CTBP2: variants seen among roughly 807,000 people sequenced by gnomAD.
CTBP2 encodes the protein C-terminal-binding protein 2.
In CTBP2, 30 loss-of-function variants were observed where a neutral mutation model predicts 80.3. That is an observed-to-expected ratio of 0.37 (90% confidence interval 0.28 to 0.51). The LOEUF (loss-of-function observed/expected upper bound fraction) is 0.51. Among genes scored for constraint, CTBP2 ranks in the 20% least tolerant of loss-of-function variants. CTBP2 has a pLI of 0.93. For synonymous variants in CTBP2, 594 were observed against 587.4 expected, an observed-to-expected ratio of 1.01 and a Z score of -0.16; for missense variants, 1,212 against 1,375.3, an observed-to-expected ratio of 0.88 and a Z score of 1.88.
At chr10:125,058,514 G>A (rs530171709) in intron 2 of CTBP2, among the ~76,000 whole-genome samples, 18 of 152,258 alleles carry the variant, frequency 1.2e-4, no homozygotes, top group Middle Eastern at 6.8e-3. Flanking sequence ...AGCCACGGCC[G>A]GGCGCGGTGG....
intron 1 of CTBP2, among the ~76,000 whole-genome samples, chr10:125,115,945 C>T (rs1014999024): frequency 6.6e-6 from 1 of 152,148 alleles, no homozygotes; most frequent in South Asian, 2.1e-4. Flanking sequence ...CACCCCTGCC[C>T]ACCACAAACA....
At chr10:125,078,844 T>C (rs1369763304) in intron 2 of CTBP2, among the ~76,000 whole-genome samples, 2 of 151,934 alleles carry the variant, frequency 1.3e-5, no homozygotes, top group Admixed American at 6.6e-5. Flanking sequence ...ATCAAAAAAT[T>C]TGGAATAACC....
At chr10:125,143,128 C>A (rs534454211) in intron 1 of CTBP2, among the ~76,000 whole-genome samples, 1 of 152,176 alleles carries the variant, frequency 6.6e-6, no homozygotes, top group African/African-American at 2.4e-5. Flanking sequence ...CGGCAGCCCC[C>A]CCACGACATC....
At chr10:125,001,728 C>A (rs1305105998) in intron 3 of CTBP2, among the ~76,000 whole-genome samples, 1 of 152,198 alleles carries the variant, frequency 6.6e-6, no homozygotes, top group Non-Finnish European at 1.5e-5. Flanking sequence ...GTACGGGCAG[C>A]TCCCTGCTCG....
At chr10:125,024,853 G>T (rs761335740) in intron 1 of CTBP2, among the ~76,000 whole-genome samples, 30 of 152,196 alleles carry the variant, frequency 2.0e-4, no homozygotes, top group Non-Finnish European at 3.7e-4. Context: ...ATAATGATGT[G>T]ATCAGACTTC....
upstream of CTBP2, among the ~76,000 whole-genome samples, chr10:125,032,067 A>G (rs1315535426): frequency 6.6e-6 from 1 of 152,060 alleles, no homozygotes; most frequent in Non-Finnish European, 1.5e-5. Flanking sequence ...AAAAAAAAAC[A>G]AGCCCATTCT....
chr10:125,014,167 C>G (rs933028440), intron 1 of CTBP2, among the ~76,000 whole-genome samples: 2 of 152,186 alleles, frequency 1.3e-5, no homozygotes, highest in Admixed American at 6.5e-5. Flanking sequence ...GTGTGCTGGC[C>G]CCACTCCCCA....
At chr10:125,085,282 T>TC (rs1318798509) in intron 2 of CTBP2, among the ~76,000 whole-genome samples, 1 of 152,088 alleles carries the variant, frequency 6.6e-6, no homozygotes, top group African/African-American at 2.4e-5. Flanking sequence ...GAGAGAAAAC[T>TC]CCCTCCTTTA....
chr10:125,017,465 A>C (rs1166791449), intron 1 of CTBP2, among the ~76,000 whole-genome samples: 1 of 152,182 alleles, frequency 6.6e-6, no homozygotes. Flanking sequence ...CCTTGTGTAC[A>C]GGATTGCACG....
rs1230799681 is a variant in CTBP2 at position 124,987,579 on chromosome 10, C to T, written c.*1939G>A. 2 of 152,122 alleles carry T rather than the reference C, an allele frequency of 1.3e-5. No homozygotes were observed. Among genetic ancestry groups the T allele is most frequent in the African/African-American group, 2.4e-5 (1 of 41,434 alleles). 9.4% of individuals were successfully genotyped at this position (152,122 alleles called of 1,614,324 possible). ...CCTCTTTGATGAGTGGTTACGAAGA[C>T]GTTAAACTACCTTTTTGTTCCCTGG... On this transcript the variant is annotated 3_prime_UTR_variant, in exon 9 of 9. Coordinates refer to ENST00000309035, the MANE Select transcript of CTBP2 (RefSeq NM_022802.3).
chr10:125,089,655 G>A (rs961326507), intron 2 of CTBP2, among the ~76,000 whole-genome samples: 2 of 152,196 alleles, frequency 1.3e-5, no homozygotes, highest in African/African-American at 4.8e-5. Flanking sequence ...GAGCAGCTGG[G>A]GAGAAAAGGA....
intron 1 of CTBP2, among the ~76,000 whole-genome samples, chr10:125,152,198 G>A (rs1374718409): frequency 2.0e-5 from 3 of 152,126 alleles, no homozygotes; most frequent in Admixed American, 6.5e-5. Context: ...GGATGGAGGG[G>A]GCTTCACCTG....
intron 1 of CTBP2, among the ~76,000 whole-genome samples, chr10:125,142,203 G>A (rs929758229): frequency 2.6e-5 from 4 of 152,208 alleles, no homozygotes; most frequent in Admixed American, 2.6e-4. Flanking sequence ...TGCAGTGACT[G>A]GCTTTTGGTC....
chr10:125,094,868 T>G (rs1275719093), intron 2 of CTBP2, among the ~76,000 whole-genome samples: 1 of 152,082 alleles, frequency 6.6e-6, no homozygotes, highest in Non-Finnish European at 1.5e-5. Context: ...GGCAATTTTT[T>G]TTTTTTTTTT....
intron 2 of CTBP2, among the ~76,000 whole-genome samples, chr10:125,070,068 C>T (rs1024586510): frequency 9.2e-5 from 14 of 151,646 alleles, no homozygotes; most frequent in Admixed American, 4.6e-4. Context: ...TGCATCATAC[C>T]GGCTGGGCAC....
intron 1 of CTBP2, among the ~76,000 whole-genome samples, chr10:125,134,448 CTGGCCCTCTGCTTCA>C (rs1187540902): frequency 9.9e-5 from 15 of 152,206 alleles, no homozygotes; most frequent in Non-Finnish European, 5.9e-5. Flanking sequence ...CCTCTGCTTC[CTGGCCCTCTGCTTCA>C]ACCAGGGGAG....
chr10:125,141,293 T>G (rs1482660079), intron 1 of CTBP2, among the ~76,000 whole-genome samples: 1 of 152,072 alleles, frequency 6.6e-6, no homozygotes, highest in Non-Finnish European at 1.5e-5. Context: ...TCTCATTACC[T>G]CCTCCTGTGA....
At chr10:125,100,102 T>C (rs970468745) in intron 2 of CTBP2, among the ~76,000 whole-genome samples, 2 of 152,222 alleles carry the variant, frequency 1.3e-5, no homozygotes, top group Non-Finnish European at 2.9e-5. Flanking sequence ...GTTGTCTACA[T>C]CTAAAAATTC....
At chr10:125,100,372 G>A (rs907532329) in intron 2 of CTBP2, among the ~76,000 whole-genome samples, 7 of 152,132 alleles carry the variant, frequency 4.6e-5, no homozygotes, top group African/African-American at 1.7e-4. Context: ...CTCTGGTAAG[G>A]GAAGTTCTAC....
Sources: gnomAD v4.1 joint callset for allele counts (sites outside exome capture counted in the v4.1 genomes callset) on GRCh38, gnomAD v4.1.1 for gene constraint, MANE v1.5 for transcripts, NCBI Gene and HGNC (gene_info 2026-07-23, HGNC 2026-07-21) for gene names.